WDR7: variants seen among roughly 807,000 people sequenced by gnomAD.
WDR7 encodes WD repeat-containing protein 7.
WDR7 carries 46 observed loss-of-function variants against 169.4 expected under a neutral mutation model. The ratio of observed to expected loss-of-function variants is 0.27; its 90% CI spans 0.21 to 0.35. The LOEUF is 0.35. WDR7 is among the 10% of genes least tolerant of loss of function. The pLI, the probability that WDR7 is intolerant of heterozygous loss-of-function variation, is 1.00. For missense variants in WDR7, 1,534 were observed against 1,859.3 expected, an observed-to-expected ratio of 0.83 and a Z score of 3.22; for synonymous variants, 612 against 666.8, an observed-to-expected ratio of 0.92 and a Z score of 1.27.
intron 20 of WDR7, among the ~76,000 whole-genome samples, chr18:56,818,349 T>A (rs1291588067): frequency 1.3e-5 from 2 of 152,236 alleles, no homozygotes; most frequent in South Asian, 2.1e-4. Flanking sequence ...TATGATTTTT[T>A]AATTTTATTG....
chr18:56,897,397 G>A (rs891580915), intron 21 of WDR7, among the ~76,000 whole-genome samples: 5 of 48,098 alleles, frequency 1.0e-4, no homozygotes, highest in Admixed American at 7.7e-4. Context: ...CAAATATACT[G>A]AGCAAAAAAA....
In WDR7 at chr18:56,728,029, C is replaced by A. The variant is rs141125185; in HGVS notation, c.1775-3354C>A. Among the ~76,000 whole-genome samples the A allele has an allele frequency of 6.8e-3, 1,038 of 152,242 alleles. 5 individuals carry two copies. The highest frequency in any genetic ancestry group is 0.044 in the Middle Eastern group (13 of 294). On this transcript the variant is annotated intron_variant, in intron 13 of 27. Coordinates refer to ENST00000254442, the MANE Select transcript of WDR7 (RefSeq NM_015285.3). ...AAAGTTTTGAATATTTCTGGCCAGTCGTTTTATAAAATGTTTCCCAATTTC... is the reference window on the plus strand; with the variant it reads ...AAAGTTTTGAATATTTCTGGCCAGTAGTTTTATAAAATGTTTCCCAATTTC...
chr18:56,888,179 C>A (rs975654368), intron 21 of WDR7, among the ~76,000 whole-genome samples: 2 of 152,216 alleles, frequency 1.3e-5, no homozygotes, highest in African/African-American at 4.8e-5. Flanking sequence ...AGGAATGACA[C>A]TGATGCGTAA....
At chr18:56,750,827 G>C (rs1296494102) in intron 14 of WDR7, among the ~76,000 whole-genome samples, 5 of 152,126 alleles carry the variant, frequency 3.3e-5, no homozygotes, top group Admixed American at 6.5e-5. Context: ...GATTAATGCT[G>C]CCATCTCCAT....
intron 25 of WDR7, among the ~76,000 whole-genome samples, chr18:56,954,346 A>G (rs371795804): frequency 7.6e-4 from 116 of 152,314 alleles, no homozygotes; most frequent in African/African-American, 2.7e-3. Context: ...AGTTGCCTCT[A>G]TTAAATGTAG....
intron 13 of WDR7, among the ~76,000 whole-genome samples, chr18:56,725,859 A>G (rs1050891321): frequency 2.6e-5 from 4 of 152,290 alleles, no homozygotes; most frequent in African/African-American, 9.6e-5. Flanking sequence ...ATCCAGTTTC[A>G]GCTTTCTACA....
intron 26 of WDR7, among the ~76,000 whole-genome samples, chr18:56,990,536 T>G (rs922405976): frequency 2.0e-5 from 3 of 152,230 alleles, no homozygotes; most frequent in Admixed American, 6.5e-5. Flanking sequence ...AAAAAGAAGA[T>G]GAACCTGGAT....
At chr18:56,967,401 A>AT (rs988962079) in intron 26 of WDR7, among the ~76,000 whole-genome samples, 6 of 150,386 alleles carry the variant, frequency 4.0e-5, no homozygotes, top group African/African-American at 7.3e-5. Flanking sequence ...ATTTTACTTA[A>AT]TTTTTTTTTT....
At chr18:56,694,894 A>T (rs1598967479) in intron 10 of WDR7, 56 bp from the exon 11 acceptor site, 6 of 1,557,964 alleles carry the variant, frequency 3.9e-6, no homozygotes, top group East Asian at 2.3e-5. Flanking sequence ...TAATGTTTTA[A>T]ATTTTTTTTA....
chr18:56,760,685 A>G (rs1035558561), intron 16 of WDR7, among the ~76,000 whole-genome samples: 1 of 152,218 alleles, frequency 6.6e-6, no homozygotes, highest in Admixed American at 6.5e-5. Context: ...TCTGTTTTGT[A>G]TATAACTAAA....
chr18:56,887,723 G>A (rs1296068292), intron 21 of WDR7, among the ~76,000 whole-genome samples: 1 of 151,664 alleles, frequency 6.6e-6, no homozygotes, highest in African/African-American at 2.4e-5. Flanking sequence ...GCCAACCACA[G>A]GGATTTTCAA....
intron 12 of WDR7, among the ~76,000 whole-genome samples, chr18:56,707,879 A>G (rs1383328659): frequency 6.6e-6 from 1 of 152,108 alleles, no homozygotes; most frequent in Non-Finnish European, 1.5e-5. Context: ...TGTTCTGTTA[A>G]TTTACTGCCA....
chr18:56,672,416 T>A, intron 1 of WDR7, 81 bp from the exon 2 acceptor site: 2 of 1,095,134 alleles, frequency 1.8e-6, no homozygotes, highest in Non-Finnish European at 1.2e-6. Flanking sequence ...TATTTTCAAA[T>A]TGTTGGTTTT....
rs778440354 is a variant in WDR7 at position 57,027,116 on chromosome 18, A to G, written c.4382A>G (p.Asn1461Ser). 6.8e-6 allele frequency: 11 copies of G among 1,614,148 alleles called. No homozygotes were observed. Among genetic ancestry groups the G allele is most frequent in the South Asian group, 1.1e-5 (1 of 91,074 alleles). ...PVQPASPGSH[N>S]ALKLARLIWT... ...CAGCCCGCGTCCCCCGGCTCCCACA[A>G]TGCCCTCAAGCTGGCCCGGCTCATC... Residue 1461 changes from asparagine (N) to serine (S), a missense_variant, in exon 28 of 28, where the codon AAT (asparagine) becomes AGT (serine). Asn to Ser is a conservative substitution (Grantham distance 46, BLOSUM62 1). Transcript: ENST00000254442.
intron 14 of WDR7, 118 bp from the exon 15 acceptor site, chr18:56,756,465 T>TG (rs1196737545): frequency 1.5e-5 from 14 of 905,056 alleles, no homozygotes; most frequent in Non-Finnish European, 2.1e-5. Flanking sequence ...ATGATATAGG[T>TG]TCCTAGAAGG....
At chr18:56,927,655 T>C (rs1181088492) in intron 22 of WDR7, among the ~76,000 whole-genome samples, 2 of 152,146 alleles carry the variant, frequency 1.3e-5, no homozygotes, top group Non-Finnish European at 2.9e-5. Context: ...TACCCCTTTA[T>C]TTTAGAAACA....
intron 25 of WDR7, among the ~76,000 whole-genome samples, chr18:56,956,634 C>G (rs138090944): frequency 2.2e-4 from 33 of 152,222 alleles, no homozygotes; most frequent in Middle Eastern, 6.8e-3. Flanking sequence ...CTGTAGAAGT[C>G]CTGTTGTTCT....
At position 56,939,308 on chromosome 18, in the gene WDR7, A is replaced by C. The variant is rs764489528; in HGVS notation, c.3982-3A>C. ...ATTTTAAATCTGTTCTTTTCTGTCAAAGGTTATGGACATCATTATGTACTG... is the reference window on the plus strand; with the variant it reads ...ATTTTAAATCTGTTCTTTTCTGTCACAGGTTATGGACATCATTATGTACTG... On this transcript the variant is annotated splice_region_variant and splice_polypyrimidine_tract_variant and intron_variant, in intron 24 of 27. Coordinates refer to ENST00000254442, the MANE Select transcript of WDR7 (RefSeq NM_015285.3). 1 of 1,496,630 alleles carries C rather than the reference A, an allele frequency of 6.7e-7. No individual in the cohort carries two copies. Among genetic ancestry groups the C allele is most frequent in the Non-Finnish European group, 8.9e-7 (1 of 1,121,110 alleles). 92.7% of individuals were successfully genotyped at this position (1,496,630 alleles called of 1,614,324 possible). A position where few individuals can be genotyped will look rare whatever the true frequency, so the allele number is the denominator to read the frequency against.
chr18:56,706,020 T>C (rs1428687900), intron 12 of WDR7, among the ~76,000 whole-genome samples: 1 of 151,928 alleles, frequency 6.6e-6, no homozygotes, highest in African/African-American at 2.4e-5. Flanking sequence ...AAAAAGAAAA[T>C]AATGACCAAC....
Sources: gnomAD v4.1 joint callset for allele counts (sites outside exome capture counted in the v4.1 genomes callset) on GRCh38, gnomAD v4.1.1 for gene constraint, MANE v1.5 for transcripts, NCBI Gene and HGNC (gene_info 2026-07-23, HGNC 2026-07-21) for gene names.